RNF150: variants seen among roughly 807,000 people sequenced by gnomAD.
The protein encoded by RNF150 is ring finger protein 150.
RNF150 carries 24 observed loss-of-function variants against 39.3 expected under a neutral mutation model. The ratio of observed to expected loss-of-function variants is 0.61; its 90% CI spans 0.44 to 0.86. The LOEUF (loss-of-function observed/expected upper bound fraction) is 0.86, where lower values mean the gene tolerates loss of function less well. Ranked by LOEUF, RNF150 falls within the 40% of genes least tolerant of loss-of-function variation. RNF150 has a pLI of 0.00. For missense variants in RNF150, 502 were observed against 587.8 expected (o/e 0.85, Z 1.51); for synonymous variants, 255 against 227.3 (o/e 1.12, Z -1.10).
chr4:140,955,006 C>G (rs1014328623), intron 2 of RNF150, among the ~76,000 whole-genome samples: 8 of 152,060 alleles, frequency 5.3e-5, no homozygotes, highest in Non-Finnish European at 1.0e-4. Flanking sequence ...GGAAAGATAA[C>G]TAAGTGTTCT....
At chr4:141,070,500 T>C (rs981336710) in intron 1 of RNF150, among the ~76,000 whole-genome samples, 1 of 147,446 alleles carries the variant, frequency 6.8e-6, no homozygotes, top group Non-Finnish European at 1.5e-5. Context: ...AGGGCTAATA[T>C]CCAGAATCTA....
intron 5 of RNF150, among the ~76,000 whole-genome samples, chr4:140,912,547 C>T (rs1002828550): frequency 5.9e-5 from 9 of 152,158 alleles, no homozygotes; most frequent in Non-Finnish European, 1.0e-4. Flanking sequence ...CTACAACTCA[C>T]GGACTCCTAG....
At chr4:140,950,206 G>C (rs1732491685) in intron 2 of RNF150, among the ~76,000 whole-genome samples, 1 of 152,208 alleles carries the variant, frequency 6.6e-6, no homozygotes, top group African/African-American at 2.4e-5. Flanking sequence ...TTTCTGGTCT[G>C]CAATAGATGT....
intron 6 of RNF150, among the ~76,000 whole-genome samples, chr4:140,885,532 G>T (rs1729538779): frequency 6.6e-6 from 1 of 150,704 alleles, no homozygotes; most frequent in Non-Finnish European, 1.5e-5. Flanking sequence ...TGCCTCCCGG[G>T]TTCAAGCGAT....
intron 2 of RNF150, among the ~76,000 whole-genome samples, chr4:140,965,609 T>C (rs1247629841): frequency 1.3e-5 from 2 of 152,084 alleles, no homozygotes; most frequent in Non-Finnish European, 2.9e-5. Context: ...TGCCACAACA[T>C]AGATGGGCCT....
intron 6 of RNF150, among the ~76,000 whole-genome samples, chr4:140,886,190 C>CAAAA (rs1171164182): frequency 8.4e-3 from 605 of 71,802 alleles, no homozygotes; most frequent in East Asian, 0.012. Flanking sequence ...GACTCCATCA[C>CAAAA]AAAAAAAAAA....
At chr4:140,899,970 CTCTCTGTGTGTGTGTGTG>C (rs70946707) in intron 6 of RNF150, among the ~76,000 whole-genome samples, 39,080 of 134,932 alleles carry the variant, frequency 0.29, 5,575 homozygotes, top group Non-Finnish European at 0.35. Flanking sequence ...CTCTCTCTCT[CTCTCTGTGTGTGTGTGTG>C]TGTGTGTGTG....
chr4:141,188,033 G>T (rs1560773005), intron 1 of RNF150, among the ~76,000 whole-genome samples: 1 of 152,156 alleles, frequency 6.6e-6, no homozygotes, highest in Non-Finnish European at 1.5e-5. Context: ...CTCTTGTAAG[G>T]CAAGCCTGGT....
intron 1 of RNF150, among the ~76,000 whole-genome samples, chr4:141,170,327 C>G (rs1055975754): frequency 2.0e-5 from 3 of 152,126 alleles, no homozygotes; most frequent in African/African-American, 7.2e-5. Context: ...GACACGTACT[C>G]TATGTCTTGG....
At chr4:141,140,305 T>C (rs1727098869) in intron 1 of RNF150, among the ~76,000 whole-genome samples, 2 of 152,376 alleles carry the variant, frequency 1.3e-5, no homozygotes, top group South Asian at 4.1e-4. Context: ...ATCAAGTGAC[T>C]TCTTTTTATT....
chr4:140,931,377 CT>C (rs1560973857), intron 4 of RNF150, among the ~76,000 whole-genome samples: 1 of 152,288 alleles, frequency 6.6e-6, no homozygotes, highest in East Asian at 1.9e-4. Context: ...ACAATCATTT[CT>C]TTTTGGTAGC....
intron 5 of RNF150, among the ~76,000 whole-genome samples, chr4:140,917,368 A>G (rs1163877219): frequency 1.3e-5 from 2 of 152,152 alleles, no homozygotes; most frequent in South Asian, 2.1e-4. Flanking sequence ...ATGGAAAACA[A>G]AAAAAGGCAG....
chr4:141,113,301 A>G (rs893110001), intron 1 of RNF150, among the ~76,000 whole-genome samples: 2 of 150,478 alleles, frequency 1.3e-5, no homozygotes, highest in Non-Finnish European at 1.5e-5. Context: ...GAGGCTCAAA[A>G]TAAAGGGAGG....
intron 1 of RNF150, among the ~76,000 whole-genome samples, chr4:141,030,192 T>C (rs970084769): frequency 1.6e-5 from 2 of 123,464 alleles, no homozygotes; most frequent in East Asian, 4.6e-4. Flanking sequence ...AGACTCCGTC[T>C]AAAAAAAAAA....
At chr4:140,880,758 A>G (rs566848371) in intron 6 of RNF150, among the ~76,000 whole-genome samples, 30 of 152,100 alleles carry the variant, frequency 2.0e-4, no homozygotes, top group Non-Finnish European at 4.1e-4. Context: ...TGATTCAGTC[A>G]TAACAGATTG....
At chr4:140,930,605 T>G (rs1410208543) in intron 4 of RNF150, among the ~76,000 whole-genome samples, 2 of 152,178 alleles carry the variant, frequency 1.3e-5, no homozygotes, top group African/African-American at 4.8e-5. Flanking sequence ...CATGCACTCT[T>G]CCTGAATCTC....
rs1449587143 is a variant in RNF150 at position 140,999,933 on chromosome 4, GTC to G, written c.485-32062_485-32061del. Among the ~76,000 whole-genome samples the G allele has an allele frequency of 9.6e-5, 12 of 125,396 alleles. 1 individual carries two copies. Among genetic ancestry groups the G allele is most frequent in the African/African-American group, 3.6e-4 (12 of 33,152 alleles). 82.3% of individuals were successfully genotyped at this position (125,396 alleles called of 152,430 possible). On this transcript the variant is annotated intron_variant, in intron 1 of 6. Coordinates refer to ENST00000515673, the MANE Select transcript of RNF150 (RefSeq NM_020724.2). ...AGCCTGGGTAACAGAGTGAGACTTG[GTC>G]TCAAAAAAAGAAGAAGAAGAAGAAG... is the stretch of plus-strand genomic sequence containing the variant.
intron 1 of RNF150, among the ~76,000 whole-genome samples, chr4:141,015,113 T>A (rs1251159222): frequency 6.6e-6 from 1 of 152,212 alleles, no homozygotes; most frequent in Non-Finnish European, 1.5e-5. Flanking sequence ...ACCTTTGTCA[T>A]AAATAAGGTG....
chr4:140,967,218 G>T (rs1182400288), intron 2 of RNF150, among the ~76,000 whole-genome samples: 1 of 152,092 alleles, frequency 6.6e-6, no homozygotes, highest in Non-Finnish European at 1.5e-5. Flanking sequence ...TTTGCATTTT[G>T]TACCATGGGT....
Sources: allele counts gnomAD v4.1 joint callset (sites outside exome capture counted in the v4.1 genomes callset), GRCh38; gene constraint gnomAD v4.1.1; transcripts MANE v1.5; gene names NCBI Gene and HGNC (gene_info 2026-07-23, HGNC 2026-07-21).